Variants in CCDC62 observed in about 807,000 individuals in gnomAD.
CCDC62 encodes the protein coiled-coil domain containing 62.
Under a neutral mutation model 80.8 loss-of-function variants are expected in CCDC62, and 72 were observed. The observed-to-expected ratio is 0.89, with a 90% CI of 0.74 to 1.08. The LOEUF (loss-of-function observed/expected upper bound fraction) is 1.08, where lower values mean the gene tolerates loss of function less well. Ranked by LOEUF, CCDC62 falls within the 50% of genes least tolerant of loss-of-function variation. The pLI is 0.00. For missense variants in CCDC62, 704 were observed against 809.4 expected (o/e 0.87, Z 1.58); for synonymous variants, 286 against 296.5 (o/e 0.96, Z 0.36).
rs1263751349 is a variant in CCDC62, at chr12:122,774,702, G to A, written c.32G>A (p.Arg11His). MNPPAAFLAG[R>H]QNIGSEVEIS... ...CCTCCGGCAGCCTTCCTTGCCGGGC[G>A]CCAGGTAAGCAGCGGTTCCGGGCGC... is the stretch of plus-strand genomic sequence containing the variant. Residue 11 changes from arginine (R) to histidine (H), a missense_variant, in exon 1 of 13, where the codon CGC becomes CAC. Transcript: ENST00000253079. 2 of 1,256,536 alleles carry A rather than the reference G, an allele frequency of 1.6e-6. No homozygotes were observed. Among genetic ancestry groups the A allele is most frequent in the South Asian group, 3.8e-5 (1 of 26,578 alleles). 77.8% of individuals were successfully genotyped at this position (1,256,536 alleles called of 1,614,324 possible). A position where few individuals can be genotyped will look rare whatever the true frequency, so the allele number is the denominator to read the frequency against.
At chr12:122,774,766 C>G in intron 1 of CCDC62, 60 bp downstream of exon 1, 1 of 1,178,580 alleles carries the variant, frequency 8.5e-7, no homozygotes. Flanking sequence ...TGGTCGAAAT[C>G]TATTGCTTCT....
chr12:122,820,905 A>G lies in CCDC62; in HGVS notation c.2002-2461A>G, dbSNP rs114682283. Among the ~76,000 whole-genome samples the G allele has an allele frequency of 8.3e-3, 1,252 of 151,706 alleles. 13 individuals are homozygous for G. Among genetic ancestry groups the G allele is most frequent in the African/African-American group, 0.028 (1,175 of 41,332 alleles). On this transcript the variant is annotated intron_variant, in intron 11 of 12. Coordinates refer to ENST00000253079, the MANE Select transcript of CCDC62 (RefSeq NM_201435.5). ...GCAATTTGCATAGAGAGGAAGCAGC[A>G]TGAGTAAAAGCACAGAGGACTGGAA... is the stretch of plus-strand genomic sequence containing the variant.
At chr12:122,798,029 G>A (rs1382973275) in intron 7 of CCDC62, 56 bp from the exon 8 acceptor site, 5 of 845,004 alleles carry the variant, frequency 5.9e-6, no homozygotes, top group East Asian at 2.5e-5. Flanking sequence ...CCAAATTGTT[G>A]GTTCAGTTTA....
At chr12:122,785,247 G>GT (rs1214372112) in intron 3 of CCDC62, among the ~76,000 whole-genome samples, 2 of 152,136 alleles carry the variant, frequency 1.3e-5, no homozygotes, top group African/African-American at 4.8e-5. Flanking sequence ...TAATTGTTGA[G>GT]TAGGAATACC....
chr12:122,824,190 T>C (rs1165888261), intron 12 of CCDC62, among the ~76,000 whole-genome samples: 3 of 151,662 alleles, frequency 2.0e-5, no homozygotes, highest in African/African-American at 7.3e-5. Flanking sequence ...CCAAGGCGGG[T>C]GGATCACTTG....
rs777537103 is a variant in CCDC62, at chr12:122,785,789, A to G, written c.467A>G (p.Glu156Gly). 2.5e-6 allele frequency: 4 copies of G among 1,613,050 alleles called. No homozygotes were observed. In the South Asian group the frequency reaches 4.4e-5, roughly 18 times the overall value. Residue 156 changes from glutamate to glycine, a missense_variant, in exon 4 of 13, where the codon GAA (glutamate) becomes GGA (glycine). Physicochemically the swap from Glu to Gly is moderately conservative, Grantham distance 98 (BLOSUM62 -2). Coordinates refer to ENST00000253079, the MANE Select transcript of CCDC62 (RefSeq NM_201435.5). ...SAQVGQLQAREQALTTMIKLK... is the reference protein window; with the variant it reads ...SAQVGQLQARGQALTTMIKLK... ...CAGGTAGGACAGCTACAAGCTCGAGAACAAGCTCTTACGACAATGATAAAG... is the reference window on the plus strand; with the variant it reads ...CAGGTAGGACAGCTACAAGCTCGAGGACAAGCTCTTACGACAATGATAAAG...
intron 10 of CCDC62, among the ~76,000 whole-genome samples, chr12:122,812,739 AAG>A (rs1190464330): frequency 9.4e-6 from 1 of 105,824 alleles, no homozygotes; most frequent in African/African-American, 3.3e-5. Context: ...AAAAAAAAGA[AAG>A]AGAGAGAGAG....
rs181717280 is a variant in CCDC62, at chr12:122,819,162, C to T, written c.2002-4204C>T. Among the ~76,000 whole-genome samples, 15 of 152,262 alleles carry T rather than the reference C, an allele frequency of 9.9e-5. 1 individual carries two copies. The East Asian group carries it at 2.9e-3, about 29-fold the overall frequency. On this transcript the variant is annotated intron_variant, in intron 11 of 12. Coordinates refer to ENST00000253079, the MANE Select transcript of CCDC62 (RefSeq NM_201435.5). ...CAGAATTTAAATAACAGGGATTTACCTGGCAACACGCTTTACAAACTCCTC... is the reference window on the plus strand; with the variant it reads ...CAGAATTTAAATAACAGGGATTTACTTGGCAACACGCTTTACAAACTCCTC...
chr12:122,783,259 G>T (rs1168049833), intron 3 of CCDC62, among the ~76,000 whole-genome samples: 1 of 138,166 alleles, frequency 7.2e-6, no homozygotes, highest in South Asian at 2.3e-4. Context: ...ACGGAGTCTC[G>T]TTCTGTCGCC....
chr12:122,776,293 C>T (rs34444845), intron 1 of CCDC62, among the ~76,000 whole-genome samples: 2,712 of 152,266 alleles, frequency 0.018, 35 homozygotes, highest in Non-Finnish European at 0.03. Flanking sequence ...ATTCTGGGAT[C>T]ACAATTTGGT....
At chr12:122,778,573 G>T (rs1357197469) in intron 2 of CCDC62, among the ~76,000 whole-genome samples, 1 of 152,024 alleles carries the variant, frequency 6.6e-6, no homozygotes, top group Admixed American at 6.6e-5. Context: ...TTCTGTAAAT[G>T]TGACAATCCA....
chr12:122,781,037 A>AG (rs1174258068), intron 2 of CCDC62, 127 bp from the exon 3 acceptor site: 2 of 680,138 alleles, frequency 2.9e-6, no homozygotes. Flanking sequence ...TCATAATAAA[A>AG]GGTTTTAAAA....
At chr12:122,774,956 T>A (rs370772853) in intron 1 of CCDC62, among the ~76,000 whole-genome samples, 1 of 149,308 alleles carries the variant, frequency 6.7e-6, no homozygotes, top group Non-Finnish European at 1.5e-5. Context: ...TAGCCGGGCG[T>A]GGCGGCGGGC....
intron 10 of CCDC62, among the ~76,000 whole-genome samples, chr12:122,812,777 G>GAGAGAGAGAGAAAGAAAGAAAGAA (rs750420995): frequency 5.2e-5 from 3 of 57,784 alleles, no homozygotes; most frequent in African/African-American, 2.3e-4. Context: ...GAGAGAGAGA[G>GAGAGAGAGAGAAAGAAAGAAAGAA]AGAAAGAAAG....
At chr12:122,816,610 G>A (rs2032176031) in intron 11 of CCDC62, among the ~76,000 whole-genome samples, 1 of 152,126 alleles carries the variant, frequency 6.6e-6, no homozygotes, top group Non-Finnish European at 1.5e-5. Flanking sequence ...CCATGCACCA[G>A]TAGTTCCAGC....
intron 10 of CCDC62, among the ~76,000 whole-genome samples, chr12:122,811,008 T>C (rs1463313688): frequency 2.8e-5 from 2 of 70,718 alleles, no homozygotes; most frequent in East Asian, 4.7e-4. Flanking sequence ...CATCACACAC[T>C]GGGGCCTGTT....
intron 9 of CCDC62, among the ~76,000 whole-genome samples, chr12:122,803,128 C>T (rs2073111520): frequency 6.6e-6 from 1 of 152,116 alleles, no homozygotes; most frequent in African/African-American, 2.4e-5. Context: ...AATCTTTTCA[C>T]CTGTGGGGAT....
rs2135606719 is a variant in CCDC62 at position 122,827,162 on chromosome 12, AAGAAT to A, written c.*785_*789del. 1 of 152,332 alleles carries A rather than the reference AAGAAT, an allele frequency of 6.6e-6. No homozygotes were observed. Among genetic ancestry groups the A allele is most frequent in the East Asian group, 1.9e-4 (1 of 5,192 alleles). The allele number at this position is 152,332 out of a possible 1,614,324, so 9.4% of individuals were successfully genotyped here. ...CTATATGCCTCTGTGTCTTCTCTAA[AAGAAT>A]AGATCAACTTCAGTCCATAAAAGAT... On this transcript the variant is annotated 3_prime_UTR_variant, in exon 13 of 13. Transcript: ENST00000253079.
chr12:122,795,703 C>T lies in CCDC62; in HGVS notation c.773-1604C>T, dbSNP rs112273239. Among the ~76,000 whole-genome samples, 124 of 152,266 alleles carry T rather than the reference C, an allele frequency of 8.1e-4. 4 individuals are homozygous for T. Among genetic ancestry groups the T allele is most frequent in the African/African-American group, 2.9e-3 (120 of 41,560 alleles). On this transcript the variant is annotated intron_variant, in intron 6 of 12. Transcript: ENST00000253079. ...CCTCCCAAAGTGCTGGGATTACAGG[C>T]GTGTTCTTTTACATAGGCTGAGGGA...
Sources: allele counts gnomAD v4.1 joint callset (sites outside exome capture counted in the v4.1 genomes callset), GRCh38; gene constraint gnomAD v4.1.1; transcripts MANE v1.5; gene names NCBI Gene and HGNC (gene_info 2026-07-23, HGNC 2026-07-21).